The following ITGA1 variants were observed in gnomAD, a reference collection of about 807,000 sequenced individuals.
The protein encoded by ITGA1 is integrin alpha-1.
In ITGA1, 85 loss-of-function variants were observed where a neutral mutation model predicts 145.9. The observed-to-expected ratio is 0.58, with a 90% confidence interval of 0.49 to 0.70. The LOEUF is 0.70. ITGA1 is among the 30% of genes least tolerant of loss of function. The pLI, the probability that ITGA1 is intolerant of heterozygous loss-of-function variation, is 0.00. For synonymous variants in ITGA1, 520 were observed against 495.3 expected, an observed-to-expected ratio of 1.05 and a Z score of -0.66; for missense variants, 1,351 against 1,418.7, an observed-to-expected ratio of 0.95 and a Z score of 0.77.
chr5:52,831,539 A>AG (rs1749070738), intron 1 of ITGA1, among the ~76,000 whole-genome samples: 1 of 21,822 alleles, frequency 4.6e-5, no homozygotes, highest in Non-Finnish European at 9.4e-5. Context: ...AAGAGAAAAG[A>AG]AAAAAAAACT....
chr5:52,933,738 T>C, intron 22 of ITGA1, 156 bp from the exon 23 acceptor site: 1 of 370,668 alleles, frequency 2.7e-6, no homozygotes, highest in Non-Finnish European at 5.0e-6. Flanking sequence ...TCCTCAAAGA[T>C]TTAATTTTAC....
intron 15 of ITGA1, among the ~76,000 whole-genome samples, chr5:52,915,969 A>C (rs1750640828): frequency 6.6e-6 from 1 of 152,156 alleles, no homozygotes; most frequent in African/African-American, 2.4e-5. Flanking sequence ...CATTTACCTG[A>C]TACATAGAAA....
At chr5:52,867,512 T>C (rs1345173796) in intron 6 of ITGA1, among the ~76,000 whole-genome samples, 3 of 152,162 alleles carry the variant, frequency 2.0e-5, no homozygotes, top group African/African-American at 7.2e-5. Context: ...CCCGTCTTGC[T>C]ACAGGGTACA....
chr5:52,893,622 T>A, intron 8 of ITGA1, 53 bp from the exon 9 acceptor site: 2 of 1,509,624 alleles, frequency 1.3e-6, no homozygotes, highest in Non-Finnish European at 1.8e-6. Flanking sequence ...TGAGATCCTT[T>A]ATTTAACACA....
chr5:52,865,184 T>A (rs1749668034), intron 5 of ITGA1, 102 bp downstream of exon 5: 1 of 808,184 alleles, frequency 1.2e-6, no homozygotes, highest in Admixed American at 2.9e-5. Flanking sequence ...AGTATTTTCT[T>A]AGCTACCAGC....
chr5:52,927,533 C>A, intron 19 of ITGA1, 51 bp from the exon 20 acceptor site: 3 of 1,267,104 alleles, frequency 2.4e-6, no homozygotes, highest in Non-Finnish European at 3.4e-6. Context: ...GAACACGTAT[C>A]AATATTTCAC....
rs1178840301 is a variant in ITGA1 at position 52,881,993 on chromosome 5, A to G, written c.745A>G (p.Met249Val). The G allele has an allele frequency of 3.1e-6, 5 of 1,613,028 alleles. No individual in the cohort carries two copies. The highest frequency in any genetic ancestry group is 3.4e-6 in the Non-Finnish European group (4 of 1,179,570). ...AGTCCAGAGAGGTGGCCGCCAGACTATGACAGCTCTTGGAATAGACACAGC... is the reference window on the plus strand; with the variant it reads ...AGTCCAGAGAGGTGGCCGCCAGACTGTGACAGCTCTTGGAATAGACACAGC... Reference protein sequence around the residue: ...KIVQRGGRQTMTALGIDTARK... With the variant: ...KIVQRGGRQTVTALGIDTARK... The change falls in exon 7 of 29, where the codon ATG (methionine) becomes GTG (valine). Residue 249 changes from methionine to valine, a missense_variant. Met to Val is a conservative substitution (Grantham distance 21). Transcript: ENST00000282588.
intron 1 of ITGA1, among the ~76,000 whole-genome samples, chr5:52,838,088 T>TAA (rs1490090833): frequency 6.6e-6 from 1 of 152,196 alleles, no homozygotes; most frequent in Non-Finnish European, 1.5e-5. Context: ...TTTCTCTTCA[T>TAA]AAAATGGACA....
rs1215237749 is a variant in ITGA1, at chr5:52,834,548, GAGAA to G, written c.62-14813_62-14810del. ...AGGGAGAGGAAGAAAGAGAAAGAAAGAGAAAGAGAGAGAGAAAGAGAGAAGAAAG... is the reference window on the plus strand; with the variant it reads ...AGGGAGAGGAAGAAAGAGAAAGAAAGAGAGAGAGAGAAAGAGAGAAGAAAG... On this transcript the variant is annotated intron_variant, in intron 1 of 28. Transcript: ENST00000282588. Among the ~76,000 whole-genome samples, 267 of 75,548 alleles carry G rather than the reference GAGAA, an allele frequency of 3.5e-3. 2 individuals carry two copies. Among genetic ancestry groups the G allele is most frequent in the African/African-American group, 0.01 (250 of 24,742 alleles). 49.6% of individuals were successfully genotyped at this position (75,548 alleles called of 152,430 possible).
chr5:52,916,641 A>G (rs1750652319), intron 15 of ITGA1, among the ~76,000 whole-genome samples: 2 of 152,116 alleles, frequency 1.3e-5, no homozygotes, highest in South Asian at 4.1e-4. Context: ...GGGAAAGAAG[A>G]CTGAAGGGTG....
chr5:52,815,489 G>A (rs1252200809), intron 1 of ITGA1, among the ~76,000 whole-genome samples: 1 of 152,202 alleles, frequency 6.6e-6, no homozygotes, highest in Admixed American at 6.5e-5. Context: ...CCCTGGTCAT[G>A]ACTGGCTTGG....
intron 28 of ITGA1, 59 bp downstream of exon 28, chr5:52,947,520 TA>T: frequency 1.1e-6 from 1 of 950,782 alleles, no homozygotes; most frequent in Non-Finnish European, 1.7e-6. Flanking sequence ...ACTGGAGAAA[TA>T]AGCTCTGATA....
rs1057144137 is a variant in ITGA1, at chr5:52,791,062, A to G, written c.61+2648A>G. Reference sequence around the variant, plus strand: ...CCACCAGCATCCCAATAAACTTCCTATTTGATTTAGACTGTCTTATATTAG... The same window carrying G: ...CCACCAGCATCCCAATAAACTTCCTGTTTGATTTAGACTGTCTTATATTAG... On this transcript the variant is annotated intron_variant, in intron 1 of 28. Transcript: ENST00000282588. Among the ~76,000 whole-genome samples, 3 of 152,184 alleles carry G rather than the reference A, an allele frequency of 2.0e-5. No individual in the cohort carries two copies. The East Asian group carries it at 5.8e-4, about 29-fold the overall frequency.
intron 23 of ITGA1, among the ~76,000 whole-genome samples, chr5:52,935,367 TG>T (rs1457126289): frequency 1.3e-5 from 2 of 152,092 alleles, no homozygotes; most frequent in Non-Finnish European, 2.9e-5. Flanking sequence ...AATTAAAGCC[TG>T]GGCACAATCT....
chr5:52,944,957 C>A lies in ITGA1; in HGVS notation c.3300C>A (p.Ser1100Arg). 1 of 1,611,020 alleles carries A rather than the reference C, an allele frequency of 6.2e-7. No homozygotes were observed. The highest frequency in any genetic ancestry group is 8.5e-7 in the Non-Finnish European group (1 of 1,177,882). The change falls in exon 27 of 29, where the codon AGC becomes AGA. Residue 1100 changes from serine (S) to arginine (R), a missense_variant. Coordinates refer to ENST00000282588, the MANE Select transcript of ITGA1 (RefSeq NM_181501.2). ...TTGCTTTTCAGTCATATTTTTCCAG[C>A]TTAAATCTTACTATAAGGGGAGAAC... ...KPTFIKSYFS[S>R]LNLTIRGELR... is the part of the protein sequence containing the mutation.
At chr5:52,905,483 T>A (rs1750385864) in intron 11 of ITGA1, 2 of 229,622 alleles carry the variant, frequency 8.7e-6, no homozygotes, top group East Asian at 1.8e-4. Context: ...GATGTGCAAT[T>A]TTTTATGTGT....
At chr5:52,938,009 C>T (rs1036031359) in intron 24 of ITGA1, among the ~76,000 whole-genome samples, 2 of 152,134 alleles carry the variant, frequency 1.3e-5, no homozygotes, top group African/African-American at 4.8e-5. Flanking sequence ...CCAGAGTGAT[C>T]TCATCTGGAG....
intron 27 of ITGA1, among the ~76,000 whole-genome samples, chr5:52,946,513 T>C (rs1423997608): frequency 2.0e-5 from 3 of 152,214 alleles, no homozygotes; most frequent in Admixed American, 2.0e-4. Flanking sequence ...CCCTGTTAGT[T>C]TCTTTTTCTA....
intron 26 of ITGA1, among the ~76,000 whole-genome samples, chr5:52,943,284 T>C (rs967479114): frequency 6.6e-6 from 1 of 152,212 alleles, no homozygotes; most frequent in Non-Finnish European, 1.5e-5. Context: ...GTGCTGATTC[T>C]TTCTCATCTT....
Sources: allele counts gnomAD v4.1 joint callset (sites outside exome capture counted in the v4.1 genomes callset), GRCh38; gene constraint gnomAD v4.1.1; transcripts MANE v1.5; gene names NCBI Gene and HGNC (gene_info 2026-07-23, HGNC 2026-07-21).